Variants in LARP4B observed in about 807,000 individuals in gnomAD.
LARP4B encodes la-related protein 4B.
LARP4B carries 12 observed loss-of-function variants against 89.8 expected under a neutral mutation model. The ratio of observed to expected loss-of-function variants is 0.13; its 90% CI spans 0.09 to 0.22. The LOEUF (loss-of-function observed/expected upper bound fraction) is 0.22. LARP4B is among the 10% of genes least tolerant of loss of function. LARP4B has a pLI of 1.00. For missense variants in LARP4B, 757 were observed against 947.7 expected (o/e 0.80, Z 2.64); for synonymous variants, 367 against 363.3 (o/e 1.01, Z -0.12).
At chr10:817,312 T>C (rs1190688686) in intron 15 of LARP4B, among the ~76,000 whole-genome samples, 1 of 152,218 alleles carries the variant, frequency 6.6e-6, no homozygotes, top group East Asian at 1.9e-4. Context: ...ACAGTGAGGT[T>C]CTCCCAGGCT....
intron 1 of LARP4B, among the ~76,000 whole-genome samples, chr10:914,390 A>C (rs1836759496): frequency 6.6e-6 from 1 of 152,070 alleles, no homozygotes; most frequent in Non-Finnish European, 1.5e-5. Context: ...AAGGAAAGTA[A>C]GTTTTTCTCT....
intron 1 of LARP4B, among the ~76,000 whole-genome samples, chr10:900,990 G>A (rs1564437773): frequency 6.8e-6 from 1 of 148,040 alleles, no homozygotes; most frequent in Admixed American, 6.9e-5. Flanking sequence ...CACAATCTCG[G>A]CTAACTGCAA....
intron 15 of LARP4B, 187 bp from the exon 16 acceptor site, chr10:815,257 T>C: frequency 2.1e-6 from 1 of 478,316 alleles, no homozygotes. Context: ...TCGCCCACCC[T>C]TCTCTTTCTC....
At chr10:835,391 G>GGT (rs1195280045) in intron 8 of LARP4B, among the ~76,000 whole-genome samples, 1 of 152,178 alleles carries the variant, frequency 6.6e-6, no homozygotes, top group Non-Finnish European at 1.5e-5. Flanking sequence ...TGTGGAAAGA[G>GGT]GTAGCATGAA....
rs1230139030 is a variant in LARP4B at position 825,180 on chromosome 10, C to T, written c.1369G>A (p.Ala457Thr). 2 of 1,614,190 alleles carry T rather than the reference C, an allele frequency of 1.2e-6. No homozygotes were observed. The highest frequency in any genetic ancestry group is 4.5e-5 in the East Asian group (2 of 44,876). Residue 457 changes from alanine to threonine, a missense_variant, in exon 13 of 18, where the codon GCA (alanine) becomes ACA (threonine). By Grantham distance (58) the Ala-to-Thr change is moderately conservative. This residue lies in a region of LARP4B where 387 missense variants were observed against 423.6 expected (regional missense o/e 0.91). Coordinates refer to ENST00000316157, the MANE Select transcript of LARP4B (RefSeq NM_015155.3). ...NGVRSPQTRQ[A>T]GQTRTRIQNP... The stretch of plus-strand genomic sequence containing the variant: ...TGAATCCGTGTTCTAGTTTGACCTG[C>T]TTGCCTTGTTTGTGGACTCCGGACA...
chr10:838,216 G>C (rs1265859815), intron 7 of LARP4B, among the ~76,000 whole-genome samples: 1 of 152,092 alleles, frequency 6.6e-6, no homozygotes, highest in Non-Finnish European at 1.5e-5. Context: ...AAATCTAGAA[G>C]GCCTTGGGTC....
intron 7 of LARP4B, among the ~76,000 whole-genome samples, chr10:842,161 T>C (rs901473186): frequency 2.6e-5 from 4 of 152,280 alleles, no homozygotes; most frequent in African/African-American, 9.6e-5. Context: ...CTGTTTGATG[T>C]TGCCAAACTT....
At chr10:824,356 G>A (rs1832510197) in intron 13 of LARP4B, among the ~76,000 whole-genome samples, 1 of 152,150 alleles carries the variant, frequency 6.6e-6, no homozygotes, top group Non-Finnish European at 1.5e-5. Flanking sequence ...AGCCAGGCAT[G>A]GTGGTGTGCA....
the LARP4B span, among the ~76,000 whole-genome samples, chr10:941,498 G>C: frequency 6.6e-6 from 1 of 151,878 alleles, no homozygotes; most frequent in Non-Finnish European, 1.5e-5. Context: ...ATTTTTGGTA[G>C]AGATGGGCGG....
chr10:826,373 A>G (rs1460014451), intron 11 of LARP4B, among the ~76,000 whole-genome samples: 2 of 152,226 alleles, frequency 1.3e-5, no homozygotes, highest in African/African-American at 4.8e-5. Flanking sequence ...TCTGCAGATC[A>G]GGGTATTTTC....
intron 1 of LARP4B, among the ~76,000 whole-genome samples, chr10:899,313 T>G (rs1419405143): frequency 6.6e-6 from 1 of 152,204 alleles, no homozygotes; most frequent in Non-Finnish European, 1.5e-5. Context: ...GAGAGTGTGC[T>G]GTATGGGAGC....
At chr10:953,950 G>A in the LARP4B span, among the ~76,000 whole-genome samples, 17 of 152,158 alleles carry the variant, frequency 1.1e-4, no homozygotes, top group Non-Finnish European at 2.1e-4. Flanking sequence ...GCCTGGAGGC[G>A]TTTGCTGATT....
At chr10:962,351 C>T in the LARP4B span, among the ~76,000 whole-genome samples, 1 of 145,188 alleles carries the variant, frequency 6.9e-6, no homozygotes, top group Admixed American at 6.9e-5. Context: ...TCGGGCCCAA[C>T]AATATGACTT....
the LARP4B span, among the ~76,000 whole-genome samples, chr10:975,988 C>CGTGCA: frequency 7.0e-6 from 1 of 143,158 alleles, no homozygotes; most frequent in South Asian, 2.4e-4. Context: ...GTAGGCCTGT[C>CGTGCA]ACGTAATGTG....
At chr10:986,163 G>GA in the LARP4B span, 1 of 152,190 alleles carries the variant, frequency 6.6e-6, no homozygotes, top group Non-Finnish European at 1.5e-5. Context: ...AGGTAAAACA[G>GA]AAAAGACCAA....
chr10:912,082 A>C (rs1244394761), intron 1 of LARP4B, among the ~76,000 whole-genome samples: 4 of 152,228 alleles, frequency 2.6e-5, no homozygotes, highest in South Asian at 2.1e-4. Flanking sequence ...TGCAGTGAGA[A>C]GCACTGTGGA....
chr10:840,173 G>C (rs1833454058), intron 7 of LARP4B, among the ~76,000 whole-genome samples: 1 of 152,192 alleles, frequency 6.6e-6, no homozygotes. Context: ...GATTGTGGTA[G>C]TTTCATGGGT....
chr10:846,430 G>A (rs1301807044), intron 5 of LARP4B, among the ~76,000 whole-genome samples: 1 of 152,162 alleles, frequency 6.6e-6, no homozygotes, highest in Non-Finnish European at 1.5e-5. Flanking sequence ...TCTGATAGAG[G>A]AGGGGTGGGG....
At chr10:984,403 T>G in the LARP4B span, among the ~76,000 whole-genome samples, 1 of 152,202 alleles carries the variant, frequency 6.6e-6, no homozygotes, top group African/African-American at 2.4e-5. Context: ...TCGCAAGATT[T>G]CCATTAAACC....
Sources: allele counts gnomAD v4.1 joint callset (sites outside exome capture counted in the v4.1 genomes callset), GRCh38; gene constraint gnomAD v4.1.1; regional missense constraint gnomAD v4.1.1; transcripts MANE v1.5; gene names NCBI Gene and HGNC (gene_info 2026-07-23, HGNC 2026-07-21).